ANO1: variants seen among roughly 807,000 people sequenced by gnomAD.
ANO1 encodes the protein anoctamin-1.
In ANO1, 59 loss-of-function variants were observed where a neutral mutation model predicts 124.0. The observed-to-expected ratio is 0.48, with a 90% CI of 0.39 to 0.59. The LOEUF (loss-of-function observed/expected upper bound fraction) is 0.59, where lower values mean the gene tolerates loss of function less well. Ranked by LOEUF, ANO1 falls within the 20% of genes least tolerant of loss-of-function variation. The pLI, the probability that ANO1 is intolerant of heterozygous loss-of-function variation, is 0.00. For synonymous variants in ANO1, 529 were observed against 532.0 expected (o/e 0.99, Z 0.08); for missense variants, 1,059 against 1,328.0 (o/e 0.80, Z 3.15).
chr11:70,119,915 A>G (rs1425211296), intron 8 of ANO1, among the ~76,000 whole-genome samples: 1 of 152,034 alleles, frequency 6.6e-6, no homozygotes, highest in Non-Finnish European at 1.5e-5. Flanking sequence ...GGATGATGGA[A>G]AGAAGAAAAG....
chr11:70,039,812 C>T (rs1857154351), intron 1 of ANO1, among the ~76,000 whole-genome samples: 1 of 152,208 alleles, frequency 6.6e-6, no homozygotes, highest in South Asian at 2.1e-4. Context: ...AGAATCTTCC[C>T]TTTCCTCCCA....
chr11:70,027,392 G>T (rs1341685460), intron 1 of ANO1, among the ~76,000 whole-genome samples: 1 of 152,198 alleles, frequency 6.6e-6, no homozygotes, highest in Non-Finnish European at 1.5e-5. Context: ...AATACTGGAA[G>T]TGAAAAACAG....
At chr11:70,163,107 A>G (rs780711117) in intron 18 of ANO1, among the ~76,000 whole-genome samples, 176 bp from the exon 19 acceptor site, 1 of 152,306 alleles carries the variant, frequency 6.6e-6, no homozygotes, top group East Asian at 1.9e-4. Context: ...CCTTTGACCA[A>G]TGAAAACCAC....
At chr11:70,159,399 G>A (rs1565261619) in intron 16 of ANO1, among the ~76,000 whole-genome samples, 1 of 152,220 alleles carries the variant, frequency 6.6e-6, no homozygotes, top group Non-Finnish European at 1.5e-5. Flanking sequence ...ATCTCAGCAA[G>A]GCGGGATGGT....
At chr11:69,995,466 T>G (rs1013020722) in intron 1 of ANO1, among the ~76,000 whole-genome samples, 4 of 152,192 alleles carry the variant, frequency 2.6e-5, no homozygotes, top group Admixed American at 2.6e-4. Flanking sequence ...CATCTGTTTC[T>G]GTCCTAGGAT....
At chr11:70,185,406 C>T (rs569409058) in intron 24 of ANO1, among the ~76,000 whole-genome samples, 184 bp from the exon 25 acceptor site, 2 of 152,306 alleles carry the variant, frequency 1.3e-5, no homozygotes, top group East Asian at 3.9e-4. Flanking sequence ...CAACCCCCTC[C>T]ACTGTGGAGA....
upstream of ANO1, among the ~76,000 whole-genome samples, chr11:70,077,594 C>G (rs867476725): frequency 6.6e-6 from 1 of 152,206 alleles, no homozygotes; most frequent in Admixed American, 6.5e-5. Context: ...CTCCGCCCCT[C>G]CAGAAAGCAG....
At chr11:69,980,743 A>AT in the ANO1 span, among the ~76,000 whole-genome samples, 1 of 151,912 alleles carries the variant, frequency 6.6e-6, no homozygotes, top group Non-Finnish European at 1.5e-5. Flanking sequence ...TGTCATGCAC[A>AT]TTTTATCACA....
At chr11:70,077,594 C>T (rs867476725), upstream of ANO1, among the ~76,000 whole-genome samples, 1 of 152,206 alleles carries the variant, frequency 6.6e-6, no homozygotes, top group East Asian at 1.9e-4. Flanking sequence ...CTCCGCCCCT[C>T]CAGAAAGCAG....
chr11:70,103,963 G>T, intron 3 of ANO1, 36 bp from the exon 4 acceptor site: 19 of 1,600,670 alleles, frequency 1.2e-5, no homozygotes, highest in Non-Finnish European at 1.6e-5. Flanking sequence ...GTCCAGCAGG[G>T]TGACGCAGCT....
intron 2 of ANO1, among the ~76,000 whole-genome samples, chr11:70,098,435 G>A (rs1461342728): frequency 6.6e-6 from 1 of 152,224 alleles, no homozygotes; most frequent in Admixed American, 6.5e-5. Context: ...ACACCCCATG[G>A]TTCCTGCCTG....
chr11:69,995,306 C>T (rs566886077), intron 1 of ANO1, among the ~76,000 whole-genome samples: 4 of 152,136 alleles, frequency 2.6e-5, no homozygotes, highest in East Asian at 3.9e-4. Context: ...ACCATGTTGG[C>T]CAGGCTGGTC....
chr11:70,048,386 A>G (rs144010375), intron 1 of ANO1, among the ~76,000 whole-genome samples: 1 of 152,070 alleles, frequency 6.6e-6, no homozygotes, highest in East Asian at 1.9e-4. Context: ...ATCAGTTTCT[A>G]TTCTTTTTTT....
chr11:70,069,054 G>T (rs1296939051), intron 1 of ANO1, among the ~76,000 whole-genome samples: 3 of 152,208 alleles, frequency 2.0e-5, no homozygotes, highest in South Asian at 4.1e-4. Flanking sequence ...CCCTCCACAG[G>T]GTCCCCCTGC....
chr11:70,032,541 G>C (rs566903619), intron 1 of ANO1, among the ~76,000 whole-genome samples: 3 of 151,502 alleles, frequency 2.0e-5, no homozygotes, highest in Admixed American at 2.0e-4. Flanking sequence ...GGAGAGGGGG[G>C]GGGTCTCTGA....
chr11:70,025,502 G>A (rs373061690), intron 1 of ANO1, among the ~76,000 whole-genome samples: 1,786 of 152,020 alleles, frequency 0.012, 45 homozygotes, highest in African/African-American at 0.04. Context: ...CAATGATGGC[G>A]ATGATGGTGG....
At chr11:70,095,363 AAAG>A (rs1565193853) in intron 2 of ANO1, among the ~76,000 whole-genome samples, 2 of 23,596 alleles carry the variant, frequency 8.5e-5, no homozygotes, top group Non-Finnish European at 1.9e-4. Context: ...AGAAAGAAAG[AAAG>A]AAAGAAAGAA....
At chr11:70,106,145 G>T (rs1275783028) in intron 5 of ANO1, among the ~76,000 whole-genome samples, 1 of 152,146 alleles carries the variant, frequency 6.6e-6, no homozygotes, top group Non-Finnish European at 1.5e-5. Flanking sequence ...CCACGATTCG[G>T]GGCTTTCAGG....
At chr11:70,025,992 G>GTGA (rs576454721) in intron 1 of ANO1, among the ~76,000 whole-genome samples, 17 of 141,838 alleles carry the variant, frequency 1.2e-4, no homozygotes, top group Non-Finnish European at 2.3e-4. Context: ...GGTAGTGGTG[G>GTGA]TGATGATGAT....
Sources: gnomAD v4.1 joint callset for allele counts (sites outside exome capture counted in the v4.1 genomes callset) on GRCh38, gnomAD v4.1.1 for gene constraint, MANE v1.5 for transcripts, NCBI Gene and HGNC (gene_info 2026-07-23, HGNC 2026-07-21) for gene names.